The following ZMAT3 variants were observed in gnomAD, a reference collection of about 807,000 sequenced individuals.
The protein encoded by ZMAT3 is zinc finger matrin-type protein 3.
In ZMAT3, 17 loss-of-function variants were observed where a neutral mutation model predicts 32.3. The ratio of observed to expected loss-of-function variants is 0.53; its 90% CI spans 0.36 to 0.79. The LOEUF is 0.79. Ranked by LOEUF, ZMAT3 falls within the 30% of genes least tolerant of loss-of-function variation. The pLI is 0.00. For synonymous variants in ZMAT3, 120 were observed against 133.1 expected (o/e 0.90, Z 0.68); for missense variants, 329 against 359.7 (o/e 0.91, Z 0.69).
chr3:179,049,761 G>A (rs1342319387), intron 2 of ZMAT3, among the ~76,000 whole-genome samples: 1 of 152,116 alleles, frequency 6.6e-6, no homozygotes, highest in Non-Finnish European at 1.5e-5. Flanking sequence ...GGGAGGCCAA[G>A]GCAGGCGGAT....
intron 2 of ZMAT3, among the ~76,000 whole-genome samples, chr3:179,053,316 A>T (rs1464183535): frequency 6.6e-6 from 1 of 151,330 alleles, no homozygotes; most frequent in Non-Finnish European, 1.5e-5. Flanking sequence ...CTATAAAATT[A>T]GAATCCATAA....
At chr3:179,026,575 G>A (rs988375848) in intron 5 of ZMAT3, among the ~76,000 whole-genome samples, 3 of 151,632 alleles carry the variant, frequency 2.0e-5, no homozygotes, top group South Asian at 2.1e-4. Flanking sequence ...CAGTAGACAC[G>A]GGGTTTCACC....
At chr3:179,045,762 T>C (rs917496737) in intron 2 of ZMAT3, among the ~76,000 whole-genome samples, 4 of 152,298 alleles carry the variant, frequency 2.6e-5, no homozygotes, top group Non-Finnish European at 4.4e-5. Context: ...TTAAGCTAGA[T>C]GGCAAATACA....
intron 3 of ZMAT3, 90 bp from the exon 4 acceptor site, chr3:179,027,902 A>G: frequency 5.2e-6 from 7 of 1,352,786 alleles, no homozygotes; most frequent in Non-Finnish European, 7.0e-6. Flanking sequence ...GCTGAAAAAC[A>G]ACCAAAGGAT....
Position 179,018,511 on chromosome 3 carries a change from C to T in ZMAT3, c.*6506G>A, listed in dbSNP as rs1437051982. 6.6e-6 allele frequency: 1 copy of T among 151,938 alleles called. No homozygotes were observed. The highest frequency in any genetic ancestry group is 1.5e-5 in the Non-Finnish European group (1 of 67,954). 9.4% of individuals were successfully genotyped at this position (151,938 alleles called of 1,614,324 possible). A position where few individuals can be genotyped will look rare whatever the true frequency, so the allele number is the denominator to read the frequency against. On this transcript the variant is annotated 3_prime_UTR_variant, in exon 6 of 6. Coordinates refer to ENST00000311417, the MANE Select transcript of ZMAT3 (RefSeq NM_022470.4). Reference sequence around the variant, plus strand: ...CCTCCAAGGGCCCAAAGGAAGTGTTCAGTTACTTTGGAAGCCATGAATTTT... The same window carrying T: ...CCTCCAAGGGCCCAAAGGAAGTGTTTAGTTACTTTGGAAGCCATGAATTTT...
At chr3:179,071,077 A>G (rs1447122609) in intron 1 of ZMAT3, among the ~76,000 whole-genome samples, 1 of 152,030 alleles carries the variant, frequency 6.6e-6, no homozygotes, top group East Asian at 1.9e-4. Context: ...GAGGGAGAAA[A>G]GTTAAAAAAA....
Position 179,019,620 on chromosome 3 carries a change from A to G in ZMAT3, c.*5397T>C, listed in dbSNP as rs1010013112. On this transcript the variant is annotated 3_prime_UTR_variant, in exon 6 of 6. Coordinates refer to ENST00000311417, the MANE Select transcript of ZMAT3 (RefSeq NM_022470.4). ...TGTTGAGGAACATGTTAACATTTCT[A>G]TAATAAAATCAGTCTAGCAGGGCGT... is the stretch of plus-strand genomic sequence containing the variant. 3 of 152,182 alleles carry G rather than the reference A, an allele frequency of 2.0e-5. No homozygotes were observed. Among genetic ancestry groups the G allele is most frequent in the Non-Finnish European group, 4.4e-5 (3 of 68,008 alleles). The allele number at this position is 152,182 out of a possible 1,614,324, so 9.4% of individuals were successfully genotyped here. A position where few individuals can be genotyped will look rare whatever the true frequency, so the allele number is the denominator to read the frequency against.
At chr3:179,049,768 G>A (rs558618080) in intron 2 of ZMAT3, among the ~76,000 whole-genome samples, 34 of 152,096 alleles carry the variant, frequency 2.2e-4, no homozygotes, top group South Asian at 4.2e-4. Flanking sequence ...CAAGGCAGGC[G>A]GATCACGAGG....
rs1718760856 is a variant in ZMAT3, at chr3:179,024,668, GA to G, written c.*348del. ...TAAAACTAAAATTGCAAAAGAAAAT[GA>G]AACTTTTAAATAGTCAAAGTTCTAA... On this transcript the variant is annotated 3_prime_UTR_variant, in exon 6 of 6. Coordinates refer to ENST00000311417, the MANE Select transcript of ZMAT3 (RefSeq NM_022470.4). The G allele has an allele frequency of 4.9e-6, 1 of 205,974 alleles. No individual in the cohort carries two copies. The highest frequency in any genetic ancestry group is 1.0e-5 in the Non-Finnish European group (1 of 99,028). The allele number at this position is 205,974 out of a possible 1,614,324, so 12.8% of individuals were successfully genotyped here. A position where few individuals can be genotyped will look rare whatever the true frequency, so the allele number is the denominator to read the frequency against.
intron 2 of ZMAT3, among the ~76,000 whole-genome samples, chr3:179,032,637 A>T (rs1576842956): frequency 1.4e-5 from 2 of 140,430 alleles, no homozygotes; most frequent in Admixed American, 1.4e-4. Context: ...TGTGAAGAGC[A>T]CCTCTGCCCG....
intron 3 of ZMAT3, 84 bp downstream of exon 3, chr3:179,030,796 T>A (rs927634799): frequency 2.3e-5 from 35 of 1,520,304 alleles, no homozygotes; most frequent in Non-Finnish European, 3.1e-5. Context: ...AATGGACACA[T>A]GGACGACAAA....
At chr3:179,066,273 G>A (rs1161574381) in intron 2 of ZMAT3, among the ~76,000 whole-genome samples, 1 of 152,142 alleles carries the variant, frequency 6.6e-6, no homozygotes, top group Non-Finnish European at 1.5e-5. Flanking sequence ...AACCAATGAT[G>A]ACACATGTCA....
chr3:179,055,484 C>G (rs772370333), intron 2 of ZMAT3, among the ~76,000 whole-genome samples: 1 of 150,910 alleles, frequency 6.6e-6, no homozygotes, highest in East Asian at 2.0e-4. Context: ...GTCCCCTCCC[C>G]GACTCCTTCC....
chr3:179,035,359 C>T (rs11921986), intron 2 of ZMAT3, among the ~76,000 whole-genome samples: 82,536 of 151,958 alleles, frequency 0.54, 22,455 homozygotes, highest in Middle Eastern at 0.67. Flanking sequence ...ATGCCAAGCT[C>T]AGGCTAGCTC....
chr3:179,057,743 G>T (rs554199498), intron 2 of ZMAT3, among the ~76,000 whole-genome samples: 2 of 152,120 alleles, frequency 1.3e-5, no homozygotes, highest in Non-Finnish European at 2.9e-5. Flanking sequence ...AGCCTATACT[G>T]GCTTATCCTC....
At chr3:179,031,654 C>T (rs568128100) in intron 2 of ZMAT3, among the ~76,000 whole-genome samples, 20 of 152,190 alleles carry the variant, frequency 1.3e-4, no homozygotes, top group African/African-American at 4.1e-4. Context: ...ATGCCTGTAT[C>T]TCAGCACTTT....
Position 179,056,322 on chromosome 3 carries a change from A to T in ZMAT3, c.270+11161T>A, listed in dbSNP as rs570452148. On this transcript the variant is annotated intron_variant, in intron 2 of 5. Coordinates refer to ENST00000311417, the MANE Select transcript of ZMAT3 (RefSeq NM_022470.4). ...GCAGGCGAAACGGGACAAACGGGAT[A>T]AAAAAAAAAGGGGGGGTCCACTACT... Among the ~76,000 whole-genome samples the T allele has an allele frequency of 5.5e-4, 80 of 146,632 alleles. 1 individual carries two copies. Among genetic ancestry groups the T allele is most frequent in the Middle Eastern group, 3.4e-3 (1 of 290 alleles).
At chr3:179,048,987 A>G (rs1720397010) in intron 2 of ZMAT3, among the ~76,000 whole-genome samples, 1 of 152,212 alleles carries the variant, frequency 6.6e-6, no homozygotes, top group Non-Finnish European at 1.5e-5. Context: ...AAGATATTCT[A>G]TGCAAATGGA....
At chr3:179,071,092 T>C (rs767384757) in intron 1 of ZMAT3, among the ~76,000 whole-genome samples, 4 of 151,998 alleles carry the variant, frequency 2.6e-5, no homozygotes, top group Non-Finnish European at 4.4e-5. Context: ...AAAAAAATAA[T>C]AATAATAATC....
Sources: allele counts gnomAD v4.1 joint callset (sites outside exome capture counted in the v4.1 genomes callset), GRCh38; gene constraint gnomAD v4.1.1; transcripts MANE v1.5; gene names NCBI Gene and HGNC (gene_info 2026-07-23, HGNC 2026-07-21).